The following ASTN2 variants were observed in gnomAD, a reference collection of about 807,000 sequenced individuals.
The protein encoded by ASTN2 is astrotactin-2.
A neutral mutation model predicts 139.8 loss-of-function variants in ASTN2; 54 were observed. That is an observed-to-expected ratio of 0.39 (90% CI 0.31 to 0.48). ASTN2 has a LOEUF of 0.48. Ranked by LOEUF, ASTN2 falls within the 20% of genes least tolerant of loss-of-function variation. The pLI is 0.95. For missense variants in ASTN2, 1,565 were observed against 1,725.1 expected, an observed-to-expected ratio of 0.91 and a Z score of 1.64; for synonymous variants, 756 against 719.5, an observed-to-expected ratio of 1.05 and a Z score of -0.81.
intron 7 of ASTN2, among the ~76,000 whole-genome samples, chr9:116,997,906 G>A (rs1837070762): frequency 6.6e-6 from 1 of 151,940 alleles, no homozygotes; most frequent in Non-Finnish European, 1.5e-5. Context: ...TTAACTATTG[G>A]CTGTATTTGG....
chr9:116,872,425 G>C (rs1833190590), intron 10 of ASTN2, among the ~76,000 whole-genome samples: 2 of 152,188 alleles, frequency 1.3e-5, no homozygotes, highest in African/African-American at 4.8e-5. Flanking sequence ...ATGTTGAGAA[G>C]CTCAATGTAG....
chr9:117,393,277 A>G (rs1259563544), intron 1 of ASTN2, among the ~76,000 whole-genome samples: 2 of 152,206 alleles, frequency 1.3e-5, no homozygotes, highest in Admixed American at 6.5e-5. Context: ...GGTGGACAGG[A>G]AAGACTTGTG....
At chr9:117,269,325 A>G (rs1456384454) in intron 2 of ASTN2, among the ~76,000 whole-genome samples, 1 of 152,216 alleles carries the variant, frequency 6.6e-6, no homozygotes, top group Non-Finnish European at 1.5e-5. Context: ...TGCCTTTGCT[A>G]GAAGAATGAC....
chr9:117,185,133 T>C (rs903179743), intron 3 of ASTN2, among the ~76,000 whole-genome samples: 1 of 152,220 alleles, frequency 6.6e-6, no homozygotes, highest in Non-Finnish European at 1.5e-5. Context: ...AGATTGGCTT[T>C]GGTTTATAGA....
intron 4 of ASTN2, among the ~76,000 whole-genome samples, chr9:117,127,927 G>T (rs1189307290): frequency 6.6e-6 from 1 of 151,870 alleles, no homozygotes; most frequent in Non-Finnish European, 1.5e-5. Flanking sequence ...TGATCCACCC[G>T]CCTCGGCCTC....
At chr9:116,659,218 T>C (rs568230957) in intron 16 of ASTN2, among the ~76,000 whole-genome samples, 1 of 152,302 alleles carries the variant, frequency 6.6e-6, no homozygotes, top group South Asian at 2.1e-4. Flanking sequence ...AATGAATATA[T>C]TTCTCTCCAA....
intron 7 of ASTN2, among the ~76,000 whole-genome samples, chr9:116,980,716 C>T (rs577188696): frequency 6.6e-6 from 1 of 152,332 alleles, no homozygotes; most frequent in South Asian, 2.1e-4. Flanking sequence ...AGCAAGATCT[C>T]CATCAATGCC....
At chr9:116,659,661 C>T (rs1344062676) in intron 16 of ASTN2, among the ~76,000 whole-genome samples, 1 of 152,086 alleles carries the variant, frequency 6.6e-6, no homozygotes, top group Non-Finnish European at 1.5e-5. Context: ...TTGTATCTTC[C>T]CATTACCTCC....
chr9:117,065,034 C>T (rs1827892907), intron 5 of ASTN2, among the ~76,000 whole-genome samples: 1 of 152,052 alleles, frequency 6.6e-6, no homozygotes, highest in Non-Finnish European at 1.5e-5. Context: ...TTAGGATAGG[C>T]CCTAAAGCCA....
chr9:117,337,904 C>T (rs1406900610), intron 1 of ASTN2, among the ~76,000 whole-genome samples: 5 of 152,148 alleles, frequency 3.3e-5, no homozygotes, highest in African/African-American at 1.2e-4. Context: ...TAAATTAGCT[C>T]ACCTTCTCTC....
intron 10 of ASTN2, among the ~76,000 whole-genome samples, chr9:116,961,854 T>C (rs1298126370): frequency 2.0e-5 from 3 of 152,234 alleles, no homozygotes; most frequent in African/African-American, 7.2e-5. Flanking sequence ...CTGGGCTAAA[T>C]AATTGTAATA....
chr9:117,385,036 A>G (rs879899024), intron 1 of ASTN2, among the ~76,000 whole-genome samples: 2 of 152,154 alleles, frequency 1.3e-5, no homozygotes, highest in Non-Finnish European at 2.9e-5. Flanking sequence ...AGTACCCATA[A>G]TGATGAACTC....
intron 1 of ASTN2, among the ~76,000 whole-genome samples, chr9:117,356,951 C>G (rs577875854): frequency 6.6e-5 from 10 of 152,146 alleles, no homozygotes; most frequent in Admixed American, 3.9e-4. Flanking sequence ...GTAATGCCAG[C>G]TACTTGGGAG....
At chr9:117,008,883 T>C (rs1837434453) in intron 6 of ASTN2, among the ~76,000 whole-genome samples, 1 of 152,114 alleles carries the variant, frequency 6.6e-6, no homozygotes, top group South Asian at 2.1e-4. Flanking sequence ...TTTGTTTTAT[T>C]ATAAGAAAGA....
At chr9:117,015,280 A>G (rs1443614218) in intron 6 of ASTN2, among the ~76,000 whole-genome samples, 1 of 152,052 alleles carries the variant, frequency 6.6e-6, no homozygotes, top group Non-Finnish European at 1.5e-5. Context: ...TGGCCTCTCA[A>G]AGTGTTGGGA....
intron 20 of ASTN2, among the ~76,000 whole-genome samples, chr9:116,466,974 T>A (rs1238765714): frequency 1.3e-5 from 2 of 152,132 alleles, no homozygotes; most frequent in Non-Finnish European, 2.9e-5. Flanking sequence ...TGACGAACTA[T>A]TTCTGCAGTT....
At chr9:116,627,427 C>T (rs765195755) in intron 17 of ASTN2, among the ~76,000 whole-genome samples, 2 of 152,088 alleles carry the variant, frequency 1.3e-5, no homozygotes, top group Non-Finnish European at 2.9e-5. Flanking sequence ...CTAGGAGGCC[C>T]AAAGAAGAGA....
At chr9:116,889,411 C>G (rs1185207003) in intron 10 of ASTN2, among the ~76,000 whole-genome samples, 1 of 152,116 alleles carries the variant, frequency 6.6e-6, no homozygotes, top group African/African-American at 2.4e-5. Context: ...AACACAGGCA[C>G]AGCAGTGAAA....
chr9:116,908,798 C>T (rs559513024), intron 10 of ASTN2, among the ~76,000 whole-genome samples: 57 of 152,246 alleles, frequency 3.7e-4, no homozygotes, highest in Admixed American at 9.8e-4. Flanking sequence ...ATAATGTATG[C>T]GTGTATAATA....
Sources: allele counts gnomAD v4.1 joint callset (sites outside exome capture counted in the v4.1 genomes callset), GRCh38; gene constraint gnomAD v4.1.1; transcripts MANE v1.5; gene names NCBI Gene and HGNC (gene_info 2026-07-23, HGNC 2026-07-21).